Variants in SPECC1 observed in about 807,000 individuals in gnomAD.
SPECC1 encodes the protein cytospin-B.
Under a neutral mutation model 104.1 loss-of-function variants are expected in SPECC1, and 62 were observed. The ratio of observed to expected loss-of-function variants is 0.60; its 90% CI spans 0.49 to 0.74. SPECC1 has a LOEUF of 0.74. SPECC1 is among the 30% of genes least tolerant of loss of function. SPECC1 has a pLI of 0.00. For synonymous variants in SPECC1, 513 were observed against 501.6 expected, an observed-to-expected ratio of 1.02 and a Z score of -0.30; for missense variants, 1,306 against 1,310.5, an observed-to-expected ratio of 1.00 and a Z score of 0.05.
At chr17:20,252,746 A>G (rs2039678350) in intron 9 of SPECC1, among the ~76,000 whole-genome samples, 1 of 151,938 alleles carries the variant, frequency 6.6e-6, no homozygotes, top group Non-Finnish European at 1.5e-5. Flanking sequence ...TCTATACCAC[A>G]TTTTCTTCGT....
At chr17:20,079,109 A>G (rs2046872094) in intron 1 of SPECC1, among the ~76,000 whole-genome samples, 1 of 150,708 alleles carries the variant, frequency 6.6e-6, no homozygotes, top group Non-Finnish European at 1.5e-5. Context: ...GTTTTAGAAA[A>G]GGAAGCAACC....
In SPECC1 at chr17:20,315,830, T is replaced by G. The variant is rs2042033960; in HGVS notation, c.*1765T>G. Reference sequence around the variant, plus strand: ...CGCCCCCCTGTTAGTGCATCCCAGCTGCAGCTCTGCATCAGAACCTACAGT... The same window carrying G: ...CGCCCCCCTGTTAGTGCATCCCAGCGGCAGCTCTGCATCAGAACCTACAGT... On this transcript the variant is annotated 3_prime_UTR_variant, in exon 15 of 15. Coordinates refer to ENST00000395527, the MANE Select transcript of SPECC1 (RefSeq NM_001243439.2). 8.6e-6 allele frequency: 2 copies of G among 232,902 alleles called. No homozygotes were observed. The highest frequency in any genetic ancestry group is 1.7e-5 in the Non-Finnish European group (2 of 117,828). 14.4% of individuals were successfully genotyped at this position (232,902 alleles called of 1,614,324 possible). A position where few individuals can be genotyped will look rare whatever the true frequency, so the allele number is the denominator to read the frequency against.
At chr17:20,073,926 G>A (rs1168444531) in intron 1 of SPECC1, among the ~76,000 whole-genome samples, 1 of 152,164 alleles carries the variant, frequency 6.6e-6, no homozygotes, top group Non-Finnish European at 1.5e-5. Flanking sequence ...CTTTTGACGT[G>A]TTGAAAGAAA....
chr17:20,166,795 A>G (rs1262122993), intron 3 of SPECC1, among the ~76,000 whole-genome samples: 1 of 152,078 alleles, frequency 6.6e-6, no homozygotes, highest in African/African-American at 2.4e-5. Context: ...TATTAAAAAA[A>G]CCTCAGCAAA....
intron 1 of SPECC1, among the ~76,000 whole-genome samples, chr17:20,023,526 AG>A (rs2152435474): frequency 6.6e-6 from 1 of 152,272 alleles, no homozygotes; most frequent in African/African-American, 2.4e-5. Context: ...ATTGGGCAGC[AG>A]GGGTTGGGAG....
chr17:20,275,037 G>A (rs1222445883), intron 12 of SPECC1, among the ~76,000 whole-genome samples: 1 of 151,696 alleles, frequency 6.6e-6, no homozygotes, highest in African/African-American at 2.4e-5. Flanking sequence ...TGAGCTTACC[G>A]GGGGATGTTT....
chr17:20,131,988 A>C (rs960733606), intron 3 of SPECC1, among the ~76,000 whole-genome samples: 1 of 152,228 alleles, frequency 6.6e-6, no homozygotes, highest in Non-Finnish European at 1.5e-5. Context: ...ATGTAATGTT[A>C]GCTTTCGGGA....
At chr17:20,280,263 C>T (rs2040721393) in intron 12 of SPECC1, among the ~76,000 whole-genome samples, 2 of 152,060 alleles carry the variant, frequency 1.3e-5, no homozygotes, top group South Asian at 2.1e-4. Flanking sequence ...ACCACGTGAC[C>T]GACATTGTCT....
intron 12 of SPECC1, among the ~76,000 whole-genome samples, chr17:20,269,000 G>A (rs749755702): frequency 1.3e-5 from 2 of 152,188 alleles, no homozygotes; most frequent in Non-Finnish European, 2.9e-5. Flanking sequence ...GGAGGGACAC[G>A]TTCTCCCACC....
intron 1 of SPECC1, among the ~76,000 whole-genome samples, chr17:20,081,111 T>A (rs188289720): frequency 6.6e-6 from 1 of 152,212 alleles, no homozygotes; most frequent in Non-Finnish European, 1.5e-5. Context: ...TGCTGGGTCA[T>A]GTGCCCCTTG....
chr17:20,050,772 G>A (rs2045709162), intron 1 of SPECC1, among the ~76,000 whole-genome samples: 1 of 152,156 alleles, frequency 6.6e-6, no homozygotes, highest in Admixed American at 6.5e-5. Flanking sequence ...AACATGAACT[G>A]GCCCAACTTA....
At chr17:20,229,682 T>A (rs1041911092) in intron 5 of SPECC1, among the ~76,000 whole-genome samples, 9 of 151,714 alleles carry the variant, frequency 5.9e-5, no homozygotes, top group Admixed American at 3.9e-4. Context: ...TCTAAAAAAA[T>A]AAAAAAACCA....
intron 1 of SPECC1, among the ~76,000 whole-genome samples, chr17:20,021,679 T>G (rs1364819212): frequency 1.4e-5 from 2 of 141,960 alleles, no homozygotes; most frequent in Non-Finnish European, 3.0e-5. Flanking sequence ...ATATATAATA[T>G]AATAATATAT....
intron 13 of SPECC1, among the ~76,000 whole-genome samples, chr17:20,300,510 G>A (rs1172876071): frequency 1.3e-5 from 2 of 152,254 alleles, no homozygotes; most frequent in Non-Finnish European, 2.9e-5. Flanking sequence ...CAGTGTGTGT[G>A]CGTCACTCCC....
At chr17:20,112,329 G>T (rs2048533782) in intron 3 of SPECC1, 2 of 756,530 alleles carry the variant, frequency 2.6e-6, no homozygotes, top group Non-Finnish European at 4.9e-6. Context: ...GGATATGTTA[G>T]AAGAAGCAAG....
chr17:20,173,937 T>TG (rs1567902497), intron 3 of SPECC1, among the ~76,000 whole-genome samples: 2 of 152,264 alleles, frequency 1.3e-5, no homozygotes, highest in African/African-American at 4.8e-5. Context: ...TGTTTTTTTT[T>TG]TTTGTTTTTG....
intron 1 of SPECC1, among the ~76,000 whole-genome samples, chr17:20,079,044 G>A (rs1361292015): frequency 6.6e-6 from 1 of 152,172 alleles, no homozygotes; most frequent in Non-Finnish European, 1.5e-5. Context: ...ACAGATTTTG[G>A]GAAGAACAAG....
intron 3 of SPECC1, among the ~76,000 whole-genome samples, chr17:20,137,789 C>A (rs562007991): frequency 6.6e-6 from 1 of 151,968 alleles, no homozygotes; most frequent in South Asian, 2.1e-4. Flanking sequence ...CCTCAGCCTC[C>A]TGAGTAGCTG....
chr17:20,223,485 C>A (rs2151439853), intron 4 of SPECC1, among the ~76,000 whole-genome samples: 1 of 152,104 alleles, frequency 6.6e-6, no homozygotes, highest in South Asian at 2.1e-4. Context: ...ACCAGCCTGA[C>A]CAACATGGTG....
Sources: allele counts gnomAD v4.1 joint callset (sites outside exome capture counted in the v4.1 genomes callset), GRCh38; gene constraint gnomAD v4.1.1; transcripts MANE v1.5; gene names NCBI Gene and HGNC (gene_info 2026-07-23, HGNC 2026-07-21).